Variants in DLC1 observed in about 807,000 individuals in gnomAD.
DLC1 encodes DLC1 Rho GTPase activating protein.
Under a neutral mutation model 140.3 loss-of-function variants are expected in DLC1, and 54 were observed. The observed-to-expected ratio is 0.38, with a 90% CI of 0.31 to 0.48. DLC1 has a LOEUF of 0.48. Ranked by LOEUF, DLC1 falls within the 20% of genes least tolerant of loss-of-function variation. DLC1 has a pLI of 0.96. For missense variants in DLC1, 2,536 were observed against 1,907.0 expected, an observed-to-expected ratio of 1.33 and a Z score of -6.14; for synonymous variants, 986 against 728.1, an observed-to-expected ratio of 1.35 and a Z score of -5.70.
intron 4 of DLC1, among the ~76,000 whole-genome samples, chr8:13,333,272 C>T (rs1833678197): frequency 6.6e-6 from 1 of 152,144 alleles, no homozygotes; most frequent in South Asian, 2.1e-4. Context: ...ATTGCCCAGG[C>T]TGGAGTGCAG....
intron 2 of DLC1, among the ~76,000 whole-genome samples, chr8:13,473,787 T>C (rs1800316969): frequency 6.6e-6 from 1 of 152,168 alleles, no homozygotes; most frequent in Non-Finnish European, 1.5e-5. Flanking sequence ...CTAGAGATTT[T>C]TGGAACTTTG....
At chr8:13,346,932 A>G (rs1480086558) in intron 4 of DLC1, among the ~76,000 whole-genome samples, 1 of 152,246 alleles carries the variant, frequency 6.6e-6, no homozygotes, top group Non-Finnish European at 1.5e-5. Context: ...TGGTCTGAAA[A>G]TAGTGAGTAC....
At chr8:13,335,599 T>C (rs745372126) in intron 4 of DLC1, among the ~76,000 whole-genome samples, 7 of 152,160 alleles carry the variant, frequency 4.6e-5, no homozygotes, top group Non-Finnish European at 8.8e-5. Context: ...ATTTTCCTCA[T>C]GGTAAAGTCA....
intron 6 of DLC1, among the ~76,000 whole-genome samples, chr8:13,113,942 T>C (rs548873191): frequency 6.6e-6 from 1 of 152,362 alleles, no homozygotes; most frequent in African/African-American, 2.4e-5. Flanking sequence ...GTATTCTAAC[T>C]TGGGAATCAC....
chr8:13,175,199 A>G (rs967101189), intron 5 of DLC1, among the ~76,000 whole-genome samples: 10 of 151,412 alleles, frequency 6.6e-5, no homozygotes, highest in African/African-American at 2.2e-4. Context: ...TGGGTTCTCT[A>G]TTATGTTCCA....
rs770874570 is a variant in DLC1, at chr8:13,393,696, A to G, written c.1174-3T>C. Reference sequence around the variant, plus strand: ...CTTTCAGATCCTGATTCCAGATCCTATTAAAAAACAAATGCACTGGTATGA... The same window carrying G: ...CTTTCAGATCCTGATTCCAGATCCTGTTAAAAAACAAATGCACTGGTATGA... On this transcript the variant is annotated splice_polypyrimidine_tract_variant and splice_region_variant and intron_variant, in intron 3 of 17. Transcript: ENST00000276297. 8.1e-6 allele frequency: 13 copies of G among 1,611,690 alleles called. No individual in the cohort carries two copies. The highest frequency in any genetic ancestry group is 8.5e-6 in the Non-Finnish European group (10 of 1,179,230).
intron 5 of DLC1, among the ~76,000 whole-genome samples, chr8:13,219,237 AATG>A (rs1828412305): frequency 7.3e-6 from 1 of 136,072 alleles, no homozygotes; most frequent in Non-Finnish European, 1.5e-5. Context: ...ATAATTATAT[AATG>A]ATATTCTTGA....
At chr8:13,501,524 G>T (rs1231017459) in intron 1 of DLC1, among the ~76,000 whole-genome samples, 1 of 152,158 alleles carries the variant, frequency 6.6e-6, no homozygotes, top group Non-Finnish European at 1.5e-5. Flanking sequence ...AAGATTAACT[G>T]CTATACTGAT....
In DLC1 at chr8:13,228,650, T is replaced by A. The variant is rs1251059046; in HGVS notation, c.1348+76619A>T. On this transcript the variant is annotated intron_variant, in intron 5 of 17. Transcript: ENST00000276297. ...CTGTAGTCCCAGCTACTAGGGAGGC[T>A]GAGGCAAGAAGATTGCTTCAGCCCA... is the stretch of plus-strand genomic sequence containing the variant. Among the ~76,000 whole-genome samples the A allele has an allele frequency of 2.6e-5, 4 of 152,276 alleles. No individual in the cohort carries two copies. The East Asian group carries it at 5.8e-4, about 22-fold the overall frequency.
At chr8:13,353,195 G>A (rs1246194530) in intron 4 of DLC1, among the ~76,000 whole-genome samples, 3 of 152,164 alleles carry the variant, frequency 2.0e-5, no homozygotes, top group African/African-American at 7.2e-5. Context: ...GGCCTGCCCT[G>A]CCCATTTCTT....
intron 2 of DLC1, among the ~76,000 whole-genome samples, chr8:13,487,603 T>C (rs935120203): frequency 1.3e-5 from 2 of 151,352 alleles, no homozygotes; most frequent in African/African-American, 4.9e-5. Context: ...AAACGGAGTC[T>C]CACTCTGTTG....
chr8:13,499,621 G>GTA lies in DLC1; in HGVS notation c.450_451insTA (p.Leu151TyrfsTer17). Reference sequence around the variant, plus strand: ...ACTTGGTTACTTTGTATGATGGGCAGTGCCTTTTCTAAGGAGCCTGCTCCT... The same window carrying GTA: ...ACTTGGTTACTTTGTATGATGGGCAGTATGCCTTTTCTAAGGAGCCTGCTCCT... On this transcript the variant is annotated frameshift_variant, in exon 2 of 18. Transcript: ENST00000276297. LOFTEE classifies it high-confidence loss of function. The GTA allele has an allele frequency of 6.2e-7, 1 of 1,614,154 alleles. No individual in the cohort carries two copies. The highest frequency in any genetic ancestry group is 1.1e-5 in the South Asian group (1 of 91,082).
At chr8:13,182,735 A>G (rs1271699284) in intron 5 of DLC1, among the ~76,000 whole-genome samples, 1 of 152,254 alleles carries the variant, frequency 6.6e-6, no homozygotes, top group Non-Finnish European at 1.5e-5. Context: ...CTTGTAGTAT[A>G]GTTTGAAGTC....
chr8:13,550,599 A>C (rs954945959), intron 1 of DLC1, among the ~76,000 whole-genome samples: 3 of 152,182 alleles, frequency 2.0e-5, no homozygotes, highest in Admixed American at 6.6e-5. Flanking sequence ...TTGTATAAGT[A>C]GAAAAGAAAT....
chr8:13,598,653 T>A (rs1805761579), intron 1 of DLC1, among the ~76,000 whole-genome samples: 1 of 152,072 alleles, frequency 6.6e-6, no homozygotes. Flanking sequence ...CACTATTTTT[T>A]CTTACATAAC....
At chr8:13,455,639 T>G (rs1019894058) in intron 2 of DLC1, among the ~76,000 whole-genome samples, 1 of 152,240 alleles carries the variant, frequency 6.6e-6, no homozygotes, top group Non-Finnish European at 1.5e-5. Flanking sequence ...CTGGCCACCC[T>G]GTGCCTAAAA....
At chr8:13,400,732 T>C (rs1586280037) in intron 3 of DLC1, among the ~76,000 whole-genome samples, 1 of 152,112 alleles carries the variant, frequency 6.6e-6, no homozygotes, top group African/African-American at 2.4e-5. Context: ...ACACAAATAA[T>C]AGATGAGTTG....
intron 5 of DLC1, among the ~76,000 whole-genome samples, chr8:13,302,081 A>T (rs1034060163): frequency 1.6e-4 from 25 of 152,240 alleles, no homozygotes; most frequent in African/African-American, 6.0e-4. Flanking sequence ...TTAAAAAAGA[A>T]GTTGGTTGGA....
At chr8:13,368,444 T>A (rs984536399) in intron 4 of DLC1, among the ~76,000 whole-genome samples, 10 of 152,276 alleles carry the variant, frequency 6.6e-5, no homozygotes, top group African/African-American at 2.4e-4. Context: ...AGTTCTCATT[T>A]GCCCCAAGGA....
Sources: gnomAD v4.1 joint callset for allele counts (sites outside exome capture counted in the v4.1 genomes callset) on GRCh38, gnomAD v4.1.1 for gene constraint, MANE v1.5 for transcripts, NCBI Gene and HGNC (gene_info 2026-07-23, HGNC 2026-07-21) for gene names.